The following ACER3 variants were observed in gnomAD, a reference collection of about 807,000 sequenced individuals.
ACER3 encodes alkCDase 3.
ACER3 carries 16 observed loss-of-function variants against 48.9 expected under a neutral mutation model. The ratio of observed to expected loss-of-function variants is 0.33; its 90% CI spans 0.22 to 0.50. The LOEUF (loss-of-function observed/expected upper bound fraction) is 0.50. Among genes scored for constraint, ACER3 ranks in the 20% least tolerant of loss-of-function variants. The pLI, the probability that ACER3 is intolerant of heterozygous loss-of-function variation, is 0.98. For synonymous variants in ACER3, 109 were observed against 107.8 expected (o/e 1.01, Z -0.07); for missense variants, 227 against 326.0 (o/e 0.70, Z 2.34).
intron 1 of ACER3, among the ~76,000 whole-genome samples, chr11:76,865,875 G>A (rs751246548): frequency 1.3e-5 from 2 of 150,760 alleles, no homozygotes; most frequent in African/African-American, 2.4e-5. Context: ...GGAGTGCAGC[G>A]GCGTGATCTT....
intron 2 of ACER3, among the ~76,000 whole-genome samples, chr11:76,929,643 C>T (rs899802741): frequency 6.6e-6 from 1 of 151,964 alleles, no homozygotes; most frequent in African/African-American, 2.4e-5. Context: ...CCCATCAGTA[C>T]CTAATACCTA....
At chr11:76,985,939 T>A (rs1465525181) in intron 5 of ACER3, among the ~76,000 whole-genome samples, 2 of 152,220 alleles carry the variant, frequency 1.3e-5, no homozygotes, top group Admixed American at 1.3e-4. Context: ...GTTTAGTTTT[T>A]AAAGGGAAAA....
At chr11:76,969,993 G>A (rs1005515279) in intron 3 of ACER3, among the ~76,000 whole-genome samples, 1 of 151,606 alleles carries the variant, frequency 6.6e-6, no homozygotes, top group Non-Finnish European at 1.5e-5. Flanking sequence ...AGATCTTATA[G>A]TGTGCAGGGT....
chr11:76,958,926 T>C (rs1454708858), intron 2 of ACER3, 53 bp from the exon 3 acceptor site: 1 of 1,579,398 alleles, frequency 6.3e-7, no homozygotes, highest in Non-Finnish European at 8.7e-7. Context: ...CTCAGGTCAC[T>C]GTCCACGCAC....
intron 2 of ACER3, among the ~76,000 whole-genome samples, chr11:76,928,736 G>T (rs1246445621): frequency 1.3e-5 from 2 of 152,156 alleles, no homozygotes; most frequent in Non-Finnish European, 2.9e-5. Flanking sequence ...CCCATTTCTT[G>T]TTTTTGTCAG....
chr11:76,921,582 C>T (rs566412297), intron 1 of ACER3, among the ~76,000 whole-genome samples: 8 of 152,158 alleles, frequency 5.3e-5, no homozygotes, highest in East Asian at 1.9e-4. Context: ...CCTTGTTAGT[C>T]GGCCTTGATA....
intron 1 of ACER3, among the ~76,000 whole-genome samples, chr11:76,866,152 T>G (rs7106029): frequency 0.11 from 16,377 of 152,056 alleles, 2,925 homozygotes; most frequent in African/African-American, 0.37. Flanking sequence ...TAGAGTCCCT[T>G]GAATGGCAGT....
intron 1 of ACER3, among the ~76,000 whole-genome samples, chr11:76,916,257 A>T (rs1280728325): frequency 6.6e-6 from 1 of 152,214 alleles, no homozygotes; most frequent in African/African-American, 2.4e-5. Context: ...CATCTGAAAT[A>T]ATATCTATTA....
chr11:76,897,199 T>C (rs1188022207), intron 1 of ACER3, among the ~76,000 whole-genome samples: 1 of 152,136 alleles, frequency 6.6e-6, no homozygotes, highest in Non-Finnish European at 1.5e-5. Flanking sequence ...TCAAGTGATC[T>C]GCCCGTTTCA....
In ACER3 at chr11:76,990,955, T is replaced by A. The variant is rs146879747; in HGVS notation, c.438+381T>A. ...TTTCCCTCTAATATATTTTAACACA[T>A]TTTTTGACATGGGAGGTGATGTACA... On this transcript the variant is annotated intron_variant, in intron 6 of 10. Transcript: ENST00000532485. 2.8e-3 allele frequency among the ~76,000 whole-genome samples: 429 copies of A among 152,300 alleles called. 1 individual carries two copies. The highest frequency in any genetic ancestry group is 9.8e-3 in the African/African-American group (409 of 41,562).
rs372314534 is a variant in ACER3, at chr11:76,926,601, G to A, written c.148G>A (p.Gly50Ser). The change falls in exon 2 of 11, where the codon GGT (glycine) becomes AGT (serine). Residue 50 changes from glycine (G) to serine (S), a missense_variant. By Grantham distance (56) the Gly-to-Ser change is moderately conservative. Around this residue, in one of 3 missense-constraint regions of ACER3, gnomAD observed 195 missense variants for 290.8 expected, o/e 0.67. Transcript: ENST00000532485. ...GATCATGATTATACCTCCAATGTTC[G>A]GTGCAGTTCAGAGTGTTAGAGACGG... ...NLIMIIPPMF[G>S]AVQSVRDGLE... 21 of 1,609,152 alleles carry A rather than the reference G, an allele frequency of 1.3e-5. No homozygotes were observed. In the East Asian group the frequency reaches 2.9e-4, roughly 22 times the overall value.
intron 7 of ACER3, among the ~76,000 whole-genome samples, chr11:77,013,714 ATTC>A (rs2135319724): frequency 6.6e-6 from 1 of 152,312 alleles, no homozygotes; most frequent in East Asian, 1.9e-4. Flanking sequence ...CAATACAGCC[ATTC>A]TTCTCCTAGC....
chr11:76,885,411 G>A (rs1590880485), intron 1 of ACER3, among the ~76,000 whole-genome samples: 1 of 152,030 alleles, frequency 6.6e-6, no homozygotes, highest in African/African-American at 2.4e-5. Context: ...TTTAAGCCCC[G>A]CATGCCTTAG....
rs1466680074 is a variant in ACER3 at position 76,966,244 on chromosome 11, A to G, written c.267+7213A>G. Among the ~76,000 whole-genome samples the G allele has an allele frequency of 3.3e-5, 5 of 151,978 alleles. No homozygotes were observed. The East Asian group carries it at 9.7e-4, about 29-fold the overall frequency. Reference sequence around the variant, plus strand: ...TACATAATGGTAAAGGCATCAATTCAACAAGAAGAGCTAACTATCCTAAAT... The same window carrying G: ...TACATAATGGTAAAGGCATCAATTCGACAAGAAGAGCTAACTATCCTAAAT... On this transcript the variant is annotated intron_variant, in intron 3 of 10. Coordinates refer to ENST00000532485, the MANE Select transcript of ACER3 (RefSeq NM_018367.7).
rs1407288973 is a variant in ACER3 at position 76,861,072 on chromosome 11, C to T, written c.96C>T (p.Ala32=). The T allele has an allele frequency of 3.2e-6, 5 of 1,544,498 alleles. No individual in the cohort carries two copies. The highest frequency in any genetic ancestry group is 1.2e-5 in the South Asian group (1 of 83,518). The change falls in exon 1 of 11, where the codon GCC becomes GCT. Residue 32 remains alanine, a synonymous_variant. Coordinates refer to ENST00000532485, the MANE Select transcript of ACER3 (RefSeq NM_018367.7). ...EENYSVTWYI[A]EFWNTVSNLI... is the part of the protein sequence containing the mutation. ...ACTACTCCGTGACCTGGTACATCGC[C>T]GAGTTCTGTGAGTGTGGCCTGAGGA...
chr11:76,952,681 T>TTTA (rs1947714948), intron 2 of ACER3, among the ~76,000 whole-genome samples: 1 of 150,436 alleles, frequency 6.6e-6, no homozygotes, highest in South Asian at 2.1e-4. Flanking sequence ...TTTTTTTTTT[T>TTTA]TTTTAGACAG....
intron 2 of ACER3, among the ~76,000 whole-genome samples, chr11:76,957,020 C>T (rs949395645): frequency 6.6e-6 from 1 of 152,052 alleles, no homozygotes; most frequent in Non-Finnish European, 1.5e-5. Context: ...GGGCTAAGTC[C>T]TATGTATCCT....
chr11:76,957,440 G>T lies in ACER3; in HGVS notation c.215-1539G>T, dbSNP rs559509472. The T allele has an allele frequency of 1.8e-3, 804 of 451,562 alleles. 9 individuals carry two copies. Among genetic ancestry groups the T allele is most frequent in the South Asian group, 9.4e-3 (600 of 63,856 alleles). 28.0% of individuals were successfully genotyped at this position (451,562 alleles called of 1,614,324 possible). On this transcript the variant is annotated intron_variant, in intron 2 of 10. Coordinates refer to ENST00000532485, the MANE Select transcript of ACER3 (RefSeq NM_018367.7). ...CATGAAGTTTAATTTTTAACTTTTT[G>T]TGTGTGTGTTTTTTCATTTTTGAGA...
At chr11:76,933,768 A>T (rs1319101126) in intron 2 of ACER3, among the ~76,000 whole-genome samples, 16 of 152,136 alleles carry the variant, frequency 1.1e-4, no homozygotes, top group Non-Finnish European at 2.2e-4. Flanking sequence ...CACCATTGTC[A>T]TCATGGCCCG....
Sources: allele counts gnomAD v4.1 joint callset (sites outside exome capture counted in the v4.1 genomes callset), GRCh38; gene constraint gnomAD v4.1.1; regional missense constraint gnomAD v4.1.1; transcripts MANE v1.5; gene names NCBI Gene and HGNC (gene_info 2026-07-23, HGNC 2026-07-21).